RFX3: variants seen among roughly 807,000 people sequenced by gnomAD.
The protein encoded by RFX3 is regulatory factor X3, also known as transcription factor RFX3.
RFX3 carries 14 observed loss-of-function variants against 98.6 expected under a neutral mutation model. The observed-to-expected ratio is 0.14, with a 90% CI of 0.09 to 0.22. The LOEUF (loss-of-function observed/expected upper bound fraction) is 0.22, where lower values mean the gene tolerates loss of function less well. Among genes scored for constraint, RFX3 ranks in the 10% least tolerant of loss-of-function variants. The pLI is 1.00. For missense variants in RFX3, 639 were observed against 926.9 expected (o/e 0.69, Z 4.03); for synonymous variants, 383 against 328.4 (o/e 1.17, Z -1.80).
intron 5 of RFX3, among the ~76,000 whole-genome samples, chr9:3,295,691 T>A (rs1032381980): frequency 4.6e-5 from 7 of 152,092 alleles, no homozygotes; most frequent in Admixed American, 4.6e-4. Flanking sequence ...CATAAAATAA[T>A]GCATATTGTC....
intron 4 of RFX3, 132 bp from the exon 5 acceptor site, chr9:3,301,752 T>C (rs1828684767): frequency 3.6e-6 from 2 of 562,626 alleles, no homozygotes; most frequent in Non-Finnish European, 6.4e-6. Context: ...TGCCACTTAA[T>C]GTGTTTTCTC....
At chr9:3,474,592 T>C (rs1160593662) in intron 1 of RFX3, among the ~76,000 whole-genome samples, 1 of 152,194 alleles carries the variant, frequency 6.6e-6, no homozygotes, top group Non-Finnish European at 1.5e-5. Context: ...AATTTATAGA[T>C]GAGATTACTG....
At chr9:3,291,983 C>G (rs137885338) in intron 6 of RFX3, among the ~76,000 whole-genome samples, 1 of 134,262 alleles carries the variant, frequency 7.4e-6, no homozygotes, top group South Asian at 2.5e-4. Flanking sequence ...TTTGAACCTG[C>G]GAGGCAGAGG....
At chr9:3,420,080 C>G (rs1439174025) in intron 1 of RFX3, among the ~76,000 whole-genome samples, 1 of 152,208 alleles carries the variant, frequency 6.6e-6, no homozygotes, top group African/African-American at 2.4e-5. Context: ...TCGGGGCCCG[C>G]AGCACCACTT....
intron 4 of RFX3, among the ~76,000 whole-genome samples, chr9:3,322,901 T>C (rs911636277): frequency 6.6e-6 from 1 of 152,222 alleles, no homozygotes; most frequent in Non-Finnish European, 1.5e-5. Context: ...CCTAACTGCA[T>C]CTTTCCTGTA....
intron 13 of RFX3, 78 bp from the exon 14 acceptor site, chr9:3,257,277 GCAAGAA>G: frequency 8.7e-7 from 1 of 1,144,184 alleles, no homozygotes; most frequent in Non-Finnish European, 1.3e-6. Flanking sequence ...CACACTAGAT[GCAAGAA>G]CAGAAAATTA....
chr9:3,230,426 G>C (rs1818312877), intron 15 of RFX3, among the ~76,000 whole-genome samples: 1 of 151,960 alleles, frequency 6.6e-6, no homozygotes, highest in East Asian at 1.9e-4. Context: ...CATCCCACGG[G>C]GCAACAAATA....
chr9:3,330,448 A>G lies in RFX3; in HGVS notation c.285T>C (p.Asp95=). Reference sequence around the variant, plus strand: ...TCACCTGGGCGGAACTCCCTTGAGTATCAAAGTAATTCCCTCCAGTATTTT... The same window carrying G: ...TCACCTGGGCGGAACTCCCTTGAGTGTCAAAGTAATTCCCTCCAGTATTTT... The part of the protein sequence containing the change: ...YSQNTGGNYF[D]TQGSSAQVTT... The change falls in exon 4 of 17, where the codon GAT becomes GAC. Residue 95 remains aspartate, a synonymous_variant. Coordinates refer to ENST00000617270, the MANE Select transcript of RFX3 (RefSeq NM_001282116.2). 2 of 1,614,026 alleles carry G rather than the reference A, an allele frequency of 1.2e-6. No individual in the cohort carries two copies. The highest frequency in any genetic ancestry group is 1.7e-4 in the Middle Eastern group (1 of 6,060).
intron 14 of RFX3, among the ~76,000 whole-genome samples, chr9:3,251,382 G>A (rs933463281): frequency 6.6e-5 from 10 of 151,786 alleles, no homozygotes; most frequent in African/African-American, 2.4e-4. Flanking sequence ...GGGTCTTGCT[G>A]TATTGTCCAG....
chr9:3,423,778 C>CATATATATATATATATATATAT (rs61209874), intron 1 of RFX3, among the ~76,000 whole-genome samples: 1 of 111,056 alleles, frequency 9.0e-6, no homozygotes, highest in East Asian at 4.0e-4. Flanking sequence ...TATATATTTT[C>CATATATATATATATATATATAT]ATATATATAT....
chr9:3,436,152 T>C (rs867920086), intron 1 of RFX3, among the ~76,000 whole-genome samples: 13 of 152,074 alleles, frequency 8.5e-5, no homozygotes, highest in African/African-American at 2.9e-4. Context: ...GGAAGAGTAT[T>C]ACCTATGTTC....
At chr9:3,301,715 C>T in intron 4 of RFX3, 95 bp from the exon 5 acceptor site, 2 of 841,312 alleles carry the variant, frequency 2.4e-6, no homozygotes, top group Non-Finnish European at 3.8e-6. Context: ...AGTCCAACTT[C>T]TTCCTCAACG....
chr9:3,425,244 G>T (rs935122044), intron 1 of RFX3, among the ~76,000 whole-genome samples: 1 of 152,122 alleles, frequency 6.6e-6, no homozygotes, highest in African/African-American at 2.4e-5. Flanking sequence ...TCTCAGAAAA[G>T]AAAAGAAAAT....
At chr9:3,307,612 C>G (rs961921108) in intron 4 of RFX3, among the ~76,000 whole-genome samples, 13 of 152,148 alleles carry the variant, frequency 8.5e-5, no homozygotes, top group Non-Finnish European at 4.4e-5. Flanking sequence ...TTGAAATGAA[C>G]ACAATGGCCT....
chr9:3,504,441 T>C (rs1816504109), intron 1 of RFX3, among the ~76,000 whole-genome samples: 1 of 128,710 alleles, frequency 7.8e-6, no homozygotes, highest in Non-Finnish European at 1.6e-5. Flanking sequence ...ATATTGTATA[T>C]AAAATATATA....
In RFX3 at chr9:3,288,184, T is replaced by A; in HGVS notation, c.798A>T (p.Gln266His). The stretch of plus-strand genomic sequence containing the variant: ...TCATAGCCATATACTGCATGTCTTC[T>A]TGCAGACGATTAAGAGGGGAATCTG... Reference protein sequence around the residue: ...VKPDSPLNRLQEDMQYMAMRQ... With the variant: ...VKPDSPLNRLHEDMQYMAMRQ... The change falls in exon 7 of 17, where the codon CAA (glutamine) becomes CAT (histidine). Residue 266 changes from glutamine (Q) to histidine (H), a missense_variant. Transcript: ENST00000617270. 6.2e-7 allele frequency: 1 copy of A among 1,612,128 alleles called. No homozygotes were observed. The highest frequency in any genetic ancestry group is 8.5e-7 in the Non-Finnish European group (1 of 1,178,338).
Position 3,376,059 on chromosome 9 carries a change from T to C in RFX3, c.117+19413A>G, listed in dbSNP as rs999637546. 2.6e-5 allele frequency among the ~76,000 whole-genome samples: 4 copies of C among 152,228 alleles called. No individual in the cohort carries two copies. In the East Asian group the frequency reaches 7.7e-4, roughly 29 times the overall value. On this transcript the variant is annotated intron_variant, in intron 2 of 16. Transcript: ENST00000617270. ...CTCAGTAGGCAAAGATATTAAGATA[T>C]ACAGTTGGTCAATAAGCACATAAGA...
intron 3 of RFX3, among the ~76,000 whole-genome samples, chr9:3,333,903 G>A (rs937993101): frequency 1.3e-5 from 2 of 152,044 alleles, no homozygotes; most frequent in African/African-American, 4.8e-5. Context: ...TATTCTATGT[G>A]CTTTTTAGGC....
In RFX3 at chr9:3,219,474, G is replaced by C. The variant is rs1465950481; in HGVS notation, c.*5568C>G. Reference sequence around the variant, plus strand: ...TTAAAAAAAAAAAACAAAGGAAAGAGGGGAGAAAAAGAATCAAACCAGAAC... The same window carrying C: ...TTAAAAAAAAAAAACAAAGGAAAGACGGGAGAAAAAGAATCAAACCAGAAC... On this transcript the variant is annotated 3_prime_UTR_variant, in exon 17 of 17. Coordinates refer to ENST00000617270, the MANE Select transcript of RFX3 (RefSeq NM_001282116.2). The C allele has an allele frequency of 6.7e-6, 1 of 150,280 alleles. No homozygotes were observed. Among genetic ancestry groups the C allele is most frequent in the Admixed American group, 6.6e-5 (1 of 15,072 alleles). 9.3% of individuals were successfully genotyped at this position (150,280 alleles called of 1,614,324 possible).
Sources: allele counts gnomAD v4.1 joint callset (sites outside exome capture counted in the v4.1 genomes callset), GRCh38; gene constraint gnomAD v4.1.1; transcripts MANE v1.5; gene names NCBI Gene and HGNC (gene_info 2026-07-23, HGNC 2026-07-21).